Variants in RHOT1 observed in about 807,000 individuals in gnomAD.
RHOT1 encodes the protein ras homolog family member T1.
In RHOT1, 27 loss-of-function variants were observed where a neutral mutation model predicts 95.3. The ratio of observed to expected loss-of-function variants is 0.28; its 90% CI spans 0.21 to 0.39. RHOT1 has a LOEUF of 0.39. Among genes scored for constraint, RHOT1 ranks in the 10% least tolerant of loss-of-function variants. The pLI, the probability that RHOT1 is intolerant of heterozygous loss-of-function variation, is 1.00. For missense variants in RHOT1, 578 were observed against 786.7 expected (o/e 0.73, Z 3.17); for synonymous variants, 227 against 263.5 (o/e 0.86, Z 1.34).
chr17:32,204,853 C>T (rs1231161683), intron 16 of RHOT1, among the ~76,000 whole-genome samples: 8 of 151,688 alleles, frequency 5.3e-5, no homozygotes, highest in Non-Finnish European at 1.5e-5. Context: ...CGTGGTGGCA[C>T]GTGCCTGTAA....
chr17:32,221,000 T>A (rs1721469979), intron 19 of RHOT1: 1 of 822,912 alleles, frequency 1.2e-6, no homozygotes, highest in Non-Finnish European at 1.5e-6. Flanking sequence ...TCTAAGATGA[T>A]ATTTTCTATA....
At chr17:32,181,949 C>T (rs1005842586) in intron 6 of RHOT1, among the ~76,000 whole-genome samples, 1 of 152,078 alleles carries the variant, frequency 6.6e-6, no homozygotes, top group Non-Finnish European at 1.5e-5. Context: ...GATGTTTTTT[C>T]AGTTTGGGGC....
Position 32,151,080 on chromosome 17 carries a change from A to C in RHOT1, c.37+8351A>C, listed in dbSNP as rs114164052. ...GAGAAGGCATTCCAGGCTTCTCCTG[A>C]GTGAAAACAGCCAGGTTATCATCTC... On this transcript the variant is annotated intron_variant, in intron 1 of 19. Transcript: ENST00000545287. The C allele has an allele frequency of 1.6e-3, 1,776 of 1,116,198 alleles. 26 individuals are homozygous for C. In the African/African-American group the frequency reaches 0.023, roughly 15 times the overall value. 69.1% of individuals were successfully genotyped at this position (1,116,198 alleles called of 1,614,324 possible).
intron 17 of RHOT1, among the ~76,000 whole-genome samples, chr17:32,207,811 A>G (rs1180373252): frequency 1.3e-5 from 2 of 152,172 alleles, no homozygotes; most frequent in African/African-American, 4.8e-5. Context: ...GGATTTCTTT[A>G]TATTTCAAAA....
intron 8 of RHOT1, among the ~76,000 whole-genome samples, chr17:32,189,852 C>A (rs1221540624): frequency 6.6e-6 from 1 of 151,062 alleles, no homozygotes; most frequent in Non-Finnish European, 1.5e-5. Flanking sequence ...CCTGCCTCAG[C>A]CTCCCAAGTA....
intron 6 of RHOT1, chr17:32,179,628 C>T (rs1345620606): frequency 3.3e-5 from 5 of 150,422 alleles, no homozygotes; most frequent in African/African-American, 1.3e-4. Context: ...GCGCCTCTGC[C>T]CGGCTGCCCC....
chr17:32,209,843 G>A (rs987836174), intron 18 of RHOT1: 2 of 153,628 alleles, frequency 1.3e-5, no homozygotes, highest in Non-Finnish European at 2.9e-5. Flanking sequence ...CCTTGTGTAT[G>A]TTAAAGAATC....
At chr17:32,178,166 C>T (rs1197932545) in intron 6 of RHOT1, among the ~76,000 whole-genome samples, 1 of 151,816 alleles carries the variant, frequency 6.6e-6, no homozygotes, top group Non-Finnish European at 1.5e-5. Context: ...CTCCCAAATT[C>T]CTGGCCGGAA....
rs377505158 is a variant in RHOT1, at chr17:32,224,620, G to T, written c.1867G>T (p.Val623Leu). 3 of 1,610,712 alleles carry T rather than the reference G, an allele frequency of 1.9e-6. No homozygotes were observed. Among genetic ancestry groups the T allele is most frequent in the Non-Finnish European group, 2.5e-6 (3 of 1,177,738 alleles). ...AATTATATTTTCTGACTGCAGGCAC[G>T]TGACACAAGCTGACCTCAAGAGCTC... ...KIFTAVLNRHVTQADLKSSTF... is the reference protein window; with the variant it reads ...KIFTAVLNRHLTQADLKSSTF... Residue 623 changes from valine (V) to leucine (L), a missense_variant, in exon 20 of 20, where the codon GTG (valine) becomes TTG (leucine). This residue lies in a region of RHOT1 where 296 missense variants were observed against 338.5 expected (regional missense o/e 0.87). Coordinates refer to ENST00000545287, the MANE Select transcript of RHOT1 (RefSeq NM_001033566.3).
At chr17:32,220,063 T>A (rs1344361502) in intron 19 of RHOT1, among the ~76,000 whole-genome samples, 1 of 152,050 alleles carries the variant, frequency 6.6e-6, no homozygotes, top group Non-Finnish European at 1.5e-5. Flanking sequence ...AAAGATAGTC[T>A]TTTTTTTGTA....
intron 2 of RHOT1, chr17:32,173,139 A>G (rs574577558): frequency 3.4e-4 from 52 of 152,372 alleles, no homozygotes; most frequent in Admixed American, 3.2e-3. Flanking sequence ...TTTTTATCCT[A>G]TAGTTTTAAT....
chr17:32,187,969 T>A (rs753932903), intron 8 of RHOT1, among the ~76,000 whole-genome samples: 11 of 152,374 alleles, frequency 7.2e-5, no homozygotes, highest in Non-Finnish European at 1.5e-4. Flanking sequence ...AAAGTTTGAT[T>A]GTAACATAGC....
intron 8 of RHOT1, among the ~76,000 whole-genome samples, chr17:32,185,795 A>C (rs889161016): frequency 2.1e-5 from 3 of 142,396 alleles, no homozygotes; most frequent in African/African-American, 8.0e-5. Context: ...ATCATAGCTC[A>C]CTGCGGCCTC....
intron 1 of RHOT1, among the ~76,000 whole-genome samples, chr17:32,167,196 C>CTTT (rs576229727): frequency 3.4e-5 from 5 of 145,560 alleles, no homozygotes; most frequent in Non-Finnish European, 7.6e-5. Context: ...TGAAAGGAAT[C>CTTT]TTTTTTTTTT....
At chr17:32,215,338 T>C (rs2038402988) in intron 19 of RHOT1, among the ~76,000 whole-genome samples, 2 of 152,166 alleles carry the variant, frequency 1.3e-5, no homozygotes, top group Non-Finnish European at 2.9e-5. Flanking sequence ...CCAGATATGA[T>C]ACATGTTTGA....
chr17:32,144,096 G>A (rs530108296), intron 1 of RHOT1, among the ~76,000 whole-genome samples: 26 of 152,338 alleles, frequency 1.7e-4, no homozygotes, highest in African/African-American at 6.0e-4. Context: ...TCAGGAAGGT[G>A]TTATTTAACA....
intron 1 of RHOT1, chr17:32,151,066 C>T (rs2032223173): frequency 1.6e-6 from 2 of 1,235,450 alleles, no homozygotes; most frequent in Non-Finnish European, 2.4e-6. Flanking sequence ...AGAAGGCATT[C>T]CAGGCTTCTC....
At position 32,182,325 on chromosome 17, in the gene RHOT1, A is replaced by T. The variant is rs545327194; in HGVS notation, c.330-432A>T. 2.9e-3 allele frequency among the ~76,000 whole-genome samples: 421 copies of T among 146,234 alleles called. 4 individuals carry two copies. The highest frequency in any genetic ancestry group is 9.1e-3 in the African/African-American group (367 of 40,122). On this transcript the variant is annotated intron_variant, in intron 6 of 19. Transcript: ENST00000545287. ...AGACCCTTCTCTACAAAAAAAAAAA[A>T]TTTTTTTTTAATTTGCTGGATGTGG...
chr17:32,205,737 G>A (rs1020656438), intron 16 of RHOT1, among the ~76,000 whole-genome samples: 7 of 152,012 alleles, frequency 4.6e-5, no homozygotes, highest in African/African-American at 7.3e-5. Context: ...CCTGACCAAC[G>A]TGGAGAAACC....
Sources: allele counts gnomAD v4.1 joint callset (sites outside exome capture counted in the v4.1 genomes callset), GRCh38; gene constraint gnomAD v4.1.1; regional missense constraint gnomAD v4.1.1; transcripts MANE v1.5; gene names NCBI Gene and HGNC (gene_info 2026-07-23, HGNC 2026-07-21).